ZNF608: variants seen among roughly 807,000 people sequenced by gnomAD.
The protein encoded by ZNF608 is renal carcinoma antigen NY-REN-36.
ZNF608 carries 12 observed loss-of-function variants against 109.0 expected under a neutral mutation model. The ratio of observed to expected loss-of-function variants is 0.11; its 90% confidence interval spans 0.07 to 0.18. ZNF608 has a LOEUF of 0.18. Among genes scored for constraint, ZNF608 ranks in the 10% least tolerant of loss-of-function variants. ZNF608 has a pLI of 1.00. For synonymous variants in ZNF608, 732 were observed against 717.4 expected (o/e 1.02, Z -0.33); for missense variants, 1,707 against 1,879.3 (o/e 0.91, Z 1.70).
intron 2 of ZNF608, among the ~76,000 whole-genome samples, chr5:124,729,456 A>G (rs1748775420): frequency 6.6e-6 from 1 of 152,310 alleles, no homozygotes. Context: ...GCGGAAACCT[A>G]TTCTGAGCCC....
At chr5:124,675,242 A>C (rs574935051) in intron 3 of ZNF608, among the ~76,000 whole-genome samples, 1 of 152,236 alleles carries the variant, frequency 6.6e-6, no homozygotes, top group Non-Finnish European at 1.5e-5. Flanking sequence ...TAAAAATGTT[A>C]TTAGTAAGTT....
chr5:124,728,718 T>C (rs1001916771), intron 2 of ZNF608, among the ~76,000 whole-genome samples: 2 of 152,208 alleles, frequency 1.3e-5, no homozygotes, highest in African/African-American at 4.8e-5. Flanking sequence ...TGAATATTAT[T>C]AAATATGTTG....
upstream of ZNF608, chr5:124,748,467 G>T (rs958800896): frequency 2.2e-6 from 2 of 889,716 alleles, no homozygotes; most frequent in Non-Finnish European, 2.7e-6. Context: ...CATAAAACTC[G>T]CACATTCCCC....
chr5:124,739,448 A>T (rs1232604264), intron 2 of ZNF608, among the ~76,000 whole-genome samples: 1 of 152,230 alleles, frequency 6.6e-6, no homozygotes, highest in Non-Finnish European at 1.5e-5. Flanking sequence ...ATAAACGCTG[A>T]CCAGAGTTGG....
rs1580531118 is a variant in ZNF608 at position 124,646,948 on chromosome 5, T to C, written c.3436A>G (p.Lys1146Glu). The C allele has an allele frequency of 6.2e-7, 1 of 1,614,062 alleles. No individual in the cohort carries two copies. Among genetic ancestry groups the C allele is most frequent in the East Asian group, 2.2e-5 (1 of 44,890 alleles). Residue 1146 changes from lysine (K) to glutamate (E), a missense_variant, in exon 5 of 10, where the codon AAA becomes GAA. This residue lies in a region of ZNF608 where 1,073 missense variants were observed against 1,133.5 expected (regional missense o/e 0.95). Coordinates refer to ENST00000513986, the MANE Select transcript of ZNF608 (RefSeq NM_020747.3). ...GAGATTGTGGCCGATGGCATATTTT[T>C]CTGTTTAGTTTCCTCCTTGCCCAGC... ...KELGKEETKQ[K>E]NMPSATISKA...
In ZNF608 at chr5:124,648,359, T is replaced by A; in HGVS notation, c.2025A>T (p.Val675=). Residue 675 remains valine, a synonymous_variant, in exon 5 of 10, where the codon GTA becomes GTT. Coordinates refer to ENST00000513986, the MANE Select transcript of ZNF608 (RefSeq NM_020747.3). ...GLNNELNNLP[V]ISNMTAALDS... The stretch of plus-strand genomic sequence containing the variant: ...CTAACGCAGCCGTCATGTTGGAGAT[T>A]ACTGGAAGGTTGTTCAGTTCATTGT... 1.2e-6 allele frequency: 2 copies of A among 1,614,250 alleles called. No individual in the cohort carries two copies. Among genetic ancestry groups the A allele is most frequent in the Admixed American group, 1.7e-5 (1 of 60,030 alleles).
rs1406531905 is a variant in ZNF608, at chr5:124,744,494, T to A, written c.496A>T (p.Asn166Tyr). The A allele has an allele frequency of 1.2e-6, 2 of 1,614,110 alleles. No individual in the cohort carries two copies. Among genetic ancestry groups the A allele is most frequent in the African/African-American group, 2.7e-5 (2 of 74,936 alleles). The change falls in exon 2 of 10, where the codon AAC becomes TAC. Residue 166 changes from asparagine to tyrosine, a missense_variant. Asn to Tyr is a moderately radical substitution (Grantham distance 143). This residue lies in a region of ZNF608 where 407 missense variants were observed against 398.7 expected (regional missense o/e 1.02). Coordinates refer to ENST00000513986, the MANE Select transcript of ZNF608 (RefSeq NM_020747.3). This position sits in a 1 kb window ranked among gnomAD's most constrained non-coding sequence, Gnocchi z 4.5. ...GTGCTGGTGCTGGTACTATTGCTGT[T>A]TGGGTTGCCGCTGCCGCCGCTGCTC... ...SVSSGGSGNP[N>Y]SNSTSTSTSA...
intron 3 of ZNF608, among the ~76,000 whole-genome samples, chr5:124,670,914 T>C (rs1751688390): frequency 6.6e-6 from 1 of 152,220 alleles, no homozygotes; most frequent in Non-Finnish European, 1.5e-5. Context: ...GAAAACTTTC[T>C]ACCCCCTCCC....
intron 2 of ZNF608, among the ~76,000 whole-genome samples, chr5:124,736,494 A>G (rs1401536883): frequency 6.6e-6 from 1 of 152,256 alleles, no homozygotes; most frequent in African/African-American, 2.4e-5. Context: ...TGTGAGGTGA[A>G]TAATGGATAA....
intron 1 of ZNF608, 55 bp from the exon 2 acceptor site, chr5:124,745,227 A>T: frequency 7.3e-7 from 1 of 1,364,446 alleles, no homozygotes; most frequent in Non-Finnish European, 9.4e-7. Flanking sequence ...TACCAGAATA[A>T]AAAACGATTA....
intron 2 of ZNF608, among the ~76,000 whole-genome samples, chr5:124,704,475 G>T (rs4389684): frequency 0.41 from 63,001 of 151,880 alleles, 13,447 homozygotes; most frequent in East Asian, 0.65. Flanking sequence ...TCTACCATAG[G>T]CCCCTCTTCC....
At chr5:124,739,550 A>G (rs1489656545) in intron 2 of ZNF608, among the ~76,000 whole-genome samples, 1 of 152,216 alleles carries the variant, frequency 6.6e-6, no homozygotes, top group Non-Finnish European at 1.5e-5. Context: ...GGAAAAGCTG[A>G]CCGCTCATTG....
Position 124,727,380 on chromosome 5 carries a change from T to C in ZNF608, c.906+16704A>G, listed in dbSNP as rs958390265. Among the ~76,000 whole-genome samples, 7 of 152,230 alleles carry C rather than the reference T, an allele frequency of 4.6e-5. No homozygotes were observed. In the East Asian group the frequency reaches 1.3e-3, roughly 29 times the overall value. On this transcript the variant is annotated intron_variant, in intron 2 of 9. Coordinates refer to ENST00000513986, the MANE Select transcript of ZNF608 (RefSeq NM_020747.3). ...GATTCCAGTTGGTCTTGACCTTGTATAGCTGCCCTCACAGTATCTTTGTCA... is the reference window on the plus strand; with the variant it reads ...GATTCCAGTTGGTCTTGACCTTGTACAGCTGCCCTCACAGTATCTTTGTCA...
intron 2 of ZNF608, among the ~76,000 whole-genome samples, chr5:124,726,296 T>A (rs1019479076): frequency 2.0e-5 from 3 of 152,088 alleles, no homozygotes; most frequent in African/African-American, 7.2e-5. Flanking sequence ...TCCAGCCCAA[T>A]AACTTTAAAG....
At chr5:124,729,355 A>G (rs1748770958) in intron 2 of ZNF608, among the ~76,000 whole-genome samples, 3 of 152,208 alleles carry the variant, frequency 2.0e-5, no homozygotes, top group Admixed American at 2.0e-4. Flanking sequence ...GTCCTGAGTG[A>G]GAGGGACATT....
Position 124,637,092 on chromosome 5 carries a change from T to TAA in ZNF608, c.*806_*807dup, listed in dbSNP as rs34398324. ...TCTAAAACTGGATAATTGTAAACAT[T>TAA]AAAAAAAAAAAAAGACTGTAGAACT... On this transcript the variant is annotated 3_prime_UTR_variant, in exon 10 of 10. Transcript: ENST00000513986. 112,522 of 145,308 alleles carry TAA rather than the reference T, an allele frequency of 0.77. 44,118 individuals are homozygous for TAA. Among genetic ancestry groups the TAA allele is most frequent in the East Asian group, 0.99 (4,944 of 5,006 alleles). The allele number at this position is 145,308 out of a possible 1,614,324, so 9.0% of individuals were successfully genotyped here.
intron 2 of ZNF608, among the ~76,000 whole-genome samples, chr5:124,741,469 C>T (rs996599689): frequency 1.3e-5 from 2 of 150,544 alleles, no homozygotes; most frequent in Non-Finnish European, 2.9e-5. Context: ...TGGCCCCTCA[C>T]GAGCCACATC....
upstream of ZNF608, among the ~76,000 whole-genome samples, chr5:124,747,111 A>G (rs991914120): frequency 1.5e-4 from 23 of 151,628 alleles, no homozygotes; most frequent in Non-Finnish European, 3.2e-4. Context: ...TCTGTCGCTC[A>G]GGTCAGCCAG....
At chr5:124,654,261 A>G (rs1350296679) in intron 3 of ZNF608, among the ~76,000 whole-genome samples, 1 of 151,614 alleles carries the variant, frequency 6.6e-6, no homozygotes, top group African/African-American at 2.4e-5. Context: ...GCCTCAAGCA[A>G]TCCTCCCCCG....
Sources: allele counts gnomAD v4.1 joint callset (sites outside exome capture counted in the v4.1 genomes callset), GRCh38; gene constraint gnomAD v4.1.1; regional missense constraint gnomAD v4.1.1; non-coding constraint Gnocchi (gnomAD v3.1); transcripts MANE v1.5; gene names NCBI Gene and HGNC (gene_info 2026-07-23, HGNC 2026-07-21).